Variants in NUP107 observed in about 807,000 individuals in gnomAD.
NUP107 encodes nuclear pore complex protein Nup107.
NUP107 carries 101 observed loss-of-function variants against 141.0 expected under a neutral mutation model. The ratio of observed to expected loss-of-function variants is 0.72; its 90% CI spans 0.61 to 0.84. The LOEUF (loss-of-function observed/expected upper bound fraction) is 0.84, where lower values mean the gene tolerates loss of function less well. Among genes scored for constraint, NUP107 ranks in the 40% least tolerant of loss-of-function variants. The pLI is 0.00. For missense variants in NUP107, 941 were observed against 1,102.7 expected (o/e 0.85, Z 2.08); for synonymous variants, 319 against 363.9 (o/e 0.88, Z 1.41).
intron 9 of NUP107, among the ~76,000 whole-genome samples, chr12:68,709,757 TG>T (rs1383028069): frequency 2.6e-5 from 4 of 151,714 alleles, no homozygotes; most frequent in Non-Finnish European, 5.9e-5. Context: ...GGTGTGGTGG[TG>T]GGCGCCTGTA....
chr12:68,694,816 G>A (rs1214022166), intron 5 of NUP107, among the ~76,000 whole-genome samples: 1 of 152,206 alleles, frequency 6.6e-6, no homozygotes, highest in Non-Finnish European at 1.5e-5. Context: ...CAGGAGACTC[G>A]CTTGAGCCCG....
chr12:68,690,491 A>C, intron 3 of NUP107, 140 bp from the exon 4 acceptor site: 1 of 1,063,588 alleles, frequency 9.4e-7, no homozygotes, highest in South Asian at 1.6e-5. Flanking sequence ...TGGAAATGTT[A>C]ACATTTAAAG....
intron 25 of NUP107, 54 bp downstream of exon 25, chr12:68,734,887 G>A: frequency 1.9e-6 from 3 of 1,566,384 alleles, no homozygotes; most frequent in East Asian, 2.2e-5. Context: ...AATGTGTGTT[G>A]TATATTTAAA....
chr12:68,740,381 A>T (rs1185978615), intron 26 of NUP107, among the ~76,000 whole-genome samples: 1 of 152,230 alleles, frequency 6.6e-6, no homozygotes, highest in African/African-American at 2.4e-5. Context: ...GAGAAAAGAA[A>T]TAAAGGTGCT....
intron 25 of NUP107, among the ~76,000 whole-genome samples, 181 bp downstream of exon 25, chr12:68,735,014 G>GA: frequency 6.6e-6 from 1 of 152,168 alleles, no homozygotes; most frequent in East Asian, 1.9e-4. Context: ...AACCAAACAT[G>GA]AAAAATGCCT....
rs10784723 is a variant in NUP107, at chr12:68,732,058, A to G, written c.1998+339A>G. Among the ~76,000 whole-genome samples, 78,296 of 152,072 alleles carry G rather than the reference A, an allele frequency of 0.51. 20,523 individuals are homozygous for G. Among genetic ancestry groups the G allele is most frequent in the South Asian group, 0.76 (3,668 of 4,826 alleles). On this transcript the variant is annotated intron_variant, in intron 22 of 27. Coordinates refer to ENST00000229179, the MANE Select transcript of NUP107 (RefSeq NM_020401.4). Reference sequence around the variant, plus strand: ...TATCTAAGAAAACTATTTTAGAGTAACATTTAAAGGAATCACGTGGTTAAG... The same window carrying G: ...TATCTAAGAAAACTATTTTAGAGTAGCATTTAAAGGAATCACGTGGTTAAG...
intron 6 of NUP107, among the ~76,000 whole-genome samples, chr12:68,698,501 C>T (rs1393527101): frequency 6.6e-6 from 1 of 152,162 alleles, no homozygotes; most frequent in Non-Finnish European, 1.5e-5. Flanking sequence ...CCTACACAGA[C>T]GTTTATTACA....
In NUP107 at chr12:68,700,813, C is replaced by A. The variant is rs1876294235; in HGVS notation, c.640C>A (p.Gln214Lys). ...AGCCAGTATGCTCTGGCTTCTTCAA[C>A]AGGAGATGGTCACATGGAGGCTGCT... ...KTASMLWLLQQEMVTWRLLAS... is the reference protein window; with the variant it reads ...KTASMLWLLQKEMVTWRLLAS... Residue 214 changes from glutamine (Q) to lysine (K), a missense_variant, in exon 7 of 28, where the codon CAG becomes AAG. By Grantham distance (53) the Gln-to-Lys change is moderately conservative. Coordinates refer to ENST00000229179, the MANE Select transcript of NUP107 (RefSeq NM_020401.4). 6.8e-6 allele frequency: 11 copies of A among 1,609,192 alleles called. No homozygotes were observed. The highest frequency in any genetic ancestry group is 8.5e-6 in the Non-Finnish European group (10 of 1,178,712).
In NUP107 at chr12:68,716,217, TTTTCTTTCTTTC is replaced by T. The variant is rs1182741313; in HGVS notation, c.1083+497_1083+508del. The stretch of plus-strand genomic sequence containing the variant: ...CAATCTCCATTCATTTTTTTTTCCT[TTTTCTTTCTTTC>T]TTTCTTTCTTTCTTTCTTTTTTTTT... On this transcript the variant is annotated intron_variant, in intron 12 of 27. Coordinates refer to ENST00000229179, the MANE Select transcript of NUP107 (RefSeq NM_020401.4). 9.4e-4 allele frequency among the ~76,000 whole-genome samples: 129 copies of T among 136,864 alleles called. 1 individual carries two copies. Among genetic ancestry groups the T allele is most frequent in the African/African-American group, 3.3e-3 (123 of 37,010 alleles). The allele number at this position is 136,864 out of a possible 152,430, so 89.8% of individuals were successfully genotyped here.
At chr12:68,716,714 G>C (rs570463459) in intron 12 of NUP107, among the ~76,000 whole-genome samples, 45 of 152,186 alleles carry the variant, frequency 3.0e-4, no homozygotes, top group Middle Eastern at 3.4e-3. Context: ...GTATCTAATT[G>C]GACAGTTTAC....
At chr12:68,723,321 G>C (rs1162711344) in intron 17 of NUP107, among the ~76,000 whole-genome samples, 1 of 152,138 alleles carries the variant, frequency 6.6e-6, no homozygotes, top group Non-Finnish European at 1.5e-5. Flanking sequence ...TACTGCACTG[G>C]AGCCCAGGAG....
At chr12:68,710,929 A>G (rs1472673001) in intron 10 of NUP107, among the ~76,000 whole-genome samples, 1 of 152,042 alleles carries the variant, frequency 6.6e-6, no homozygotes, top group African/African-American at 2.4e-5. Flanking sequence ...AGACAAATGT[A>G]TATTCTGTTG....
intron 8 of NUP107, chr12:68,707,181 C>T (rs1266839507): frequency 2.1e-6 from 1 of 472,308 alleles, no homozygotes; most frequent in Admixed American, 3.5e-5. Flanking sequence ...AGCCCTAGCC[C>T]TCTGCCCACC....
At chr12:68,718,012 C>T (rs1279482453) in intron 12 of NUP107, among the ~76,000 whole-genome samples, 2 of 152,084 alleles carry the variant, frequency 1.3e-5, no homozygotes, top group Non-Finnish European at 2.9e-5. Context: ...TTGATTGGCT[C>T]ATGGAAGTGG....
In NUP107 at chr12:68,687,015, C is replaced by A; in HGVS notation, c.-51C>A. 6.2e-7 allele frequency: 1 copy of A among 1,613,582 alleles called. No individual in the cohort carries two copies. Among genetic ancestry groups the A allele is most frequent in the Non-Finnish European group, 8.5e-7 (1 of 1,179,516 alleles). The stretch of plus-strand genomic sequence containing the variant: ...TCCGGAGAGCGGGAAGGCTAAAACG[C>A]GGTAGCTAAACTGCAGCCAACTTTG... On this transcript the variant is annotated 5_prime_UTR_variant, in exon 1 of 28. Coordinates refer to ENST00000229179, the MANE Select transcript of NUP107 (RefSeq NM_020401.4).
At chr12:68,709,160 T>C in intron 8 of NUP107, 78 bp from the exon 9 acceptor site, 1 of 996,662 alleles carries the variant, frequency 1.0e-6, no homozygotes, top group Non-Finnish European at 1.5e-6. Flanking sequence ...ACTGGCTTTT[T>C]ATCTTTCTAT....
intron 15 of NUP107, among the ~76,000 whole-genome samples, chr12:68,721,605 A>G (rs574952626): frequency 6.6e-6 from 1 of 152,340 alleles, no homozygotes; most frequent in South Asian, 2.1e-4. Context: ...TTGAAATGTC[A>G]TATCAGCCTG....
chr12:68,687,177 C>T (rs1447823445), intron 1 of NUP107, 104 bp downstream of exon 1: 1 of 1,509,374 alleles, frequency 6.6e-7, no homozygotes, highest in African/African-American at 1.4e-5. Flanking sequence ...AAGGAGGTCC[C>T]GGGTGCTTCC....
intron 8 of NUP107, among the ~76,000 whole-genome samples, chr12:68,705,073 A>G (rs960149425): frequency 4.6e-5 from 7 of 151,706 alleles, no homozygotes; most frequent in African/African-American, 1.7e-4. Flanking sequence ...TTTTATAGAG[A>G]TGGGGTGTCT....
Sources: allele counts gnomAD v4.1 joint callset (sites outside exome capture counted in the v4.1 genomes callset), GRCh38; gene constraint gnomAD v4.1.1; transcripts MANE v1.5; gene names NCBI Gene and HGNC (gene_info 2026-07-23, HGNC 2026-07-21).